Variants in IL3RA observed in about 807,000 individuals in gnomAD.
IL3RA encodes interleukin 3 receptor subunit alpha.
Under a neutral mutation model 52.3 loss-of-function variants are expected in IL3RA, and 73 were observed. The observed-to-expected ratio is 1.40, with a 90% confidence interval of 1.16 to 1.70. The LOEUF (loss-of-function observed/expected upper bound fraction) is 1.70, where lower values mean the gene tolerates loss of function less well. Among genes scored for constraint, IL3RA ranks in the 40% most tolerant of loss-of-function variants. The pLI is 0.00. For synonymous variants in IL3RA, 260 were observed against 194.0 expected (o/e 1.34, Z -2.83); for missense variants, 664 against 504.4 (o/e 1.32, Z -3.03).
intron 8 of IL3RA, among the ~76,000 whole-genome samples, chrX:1,364,582 C>T (rs1451194675): frequency 1.3e-5 from 2 of 151,570 alleles, no homozygotes; most frequent in African/African-American, 4.8e-5. Context: ...GGTATCCCCC[C>T]ACCTCAGCCT....
chrX:1,381,958 G>GT (rs2089197739), intron 11 of IL3RA, among the ~76,000 whole-genome samples: 1 of 149,952 alleles, frequency 6.7e-6, no homozygotes, highest in Admixed American at 6.6e-5. Context: ...GTTTGTTTTT[G>GT]TTTTTGAGAC....
At chrX:1,380,909 A>G in intron 10 of IL3RA, 114 bp from the exon 11 acceptor site, 1 of 865,298 alleles carries the variant, frequency 1.2e-6, no homozygotes, top group Non-Finnish European at 1.9e-6. Context: ...CCTCGAGTAG[A>G]TGACTTGAGT....
chrX:1,356,117 C>T, intron 6 of IL3RA, 104 bp from the exon 7 acceptor site: 3 of 749,204 alleles, frequency 4.0e-6, no homozygotes, highest in Admixed American at 2.3e-5. Flanking sequence ...TCTCCAAATG[C>T]ATAGGAGAAG....
intron 11 of IL3RA, 57 bp from the exon 12 acceptor site, chrX:1,382,334 G>C (rs1172910307): frequency 8.3e-7 from 1 of 1,211,802 alleles, no homozygotes; most frequent in Admixed American, 2.2e-5. Flanking sequence ...AGATCAGGAC[G>C]TGGGCTCTGT....
At chrX:1,356,368 C>G in intron 7 of IL3RA, 32 bp downstream of exon 7, 1 of 1,378,924 alleles carries the variant, frequency 7.3e-7, no homozygotes, top group South Asian at 1.2e-5. Context: ...AGCCCCCCCA[C>G]CCCCGTGGAC....
At chrX:1,364,922 C>T (rs1242042166) in intron 8 of IL3RA, among the ~76,000 whole-genome samples, 1 of 151,984 alleles carries the variant, frequency 6.6e-6, no homozygotes, top group Admixed American at 6.6e-5. Context: ...TATTCTCCTG[C>T]CTCAGCCTCC....
intron 2 of IL3RA, among the ~76,000 whole-genome samples, chrX:1,343,581 C>G (rs1157865474): frequency 6.8e-6 from 1 of 147,646 alleles, no homozygotes; most frequent in Non-Finnish European, 1.5e-5. Flanking sequence ...GCAGGAGAAT[C>G]ACTTGAACCC....
At position 1,341,301 on chromosome X, in the gene IL3RA, GAA is replaced by G. The variant is rs374398083; in HGVS notation, c.-38-415_-38-414del. Among the ~76,000 whole-genome samples the G allele has an allele frequency of 3.6e-3, 512 of 143,534 alleles. 2 individuals carry two copies. Among genetic ancestry groups the G allele is most frequent in the Non-Finnish European group, 5.1e-3 (338 of 65,788 alleles). 94.2% of individuals were successfully genotyped at this position (143,534 alleles called of 152,430 possible). A position where few individuals can be genotyped will look rare whatever the true frequency, so the allele number is the denominator to read the frequency against. On this transcript the variant is annotated intron_variant, in intron 1 of 11. Transcript: ENST00000331035. ...GACGACAAGGGCGAGTCTCCATCAG[GAA>G]AAAAAAAAAAAGAAAACACACAAAC...
At chrX:1,355,913 C>A (rs1262616128) in intron 6 of IL3RA, among the ~76,000 whole-genome samples, 65 of 152,102 alleles carry the variant, frequency 4.3e-4, no homozygotes, top group African/African-American at 1.5e-3. Context: ...AGCTGCCAGT[C>A]CTTGGAAAAG....
At position 1,345,453 on chromosome X, in the gene IL3RA, TG is replaced by T. The variant is rs774602342; in HGVS notation, c.183+20del. The T allele has an allele frequency of 8.5e-5, 119 of 1,405,526 alleles. No homozygotes were observed. Among genetic ancestry groups the T allele is most frequent in the Non-Finnish European group, 1.1e-4 (112 of 1,032,048 alleles). 87.1% of individuals were successfully genotyped at this position (1,405,526 alleles called of 1,614,324 possible). A position where few individuals can be genotyped will look rare whatever the true frequency, so the allele number is the denominator to read the frequency against. ...TATGCCGGTAAATCATACTCTCTAT[TG>T]TTTTTTTATTTTTATTTTATTTATT... On this transcript the variant is annotated intron_variant, in intron 3 of 11. Coordinates refer to ENST00000331035, the MANE Select transcript of IL3RA (RefSeq NM_002183.4).
intron 9 of IL3RA, 137 bp from the exon 10 acceptor site, chrX:1,378,522 T>G: frequency 1.4e-6 from 1 of 711,576 alleles, no homozygotes; most frequent in Non-Finnish European, 2.5e-6. Flanking sequence ...CAGGTGGCAC[T>G]ACTGGGGTGT....
At chrX:1,382,347 T>C in intron 11 of IL3RA, 44 bp from the exon 12 acceptor site, 3 of 1,427,968 alleles carry the variant, frequency 2.1e-6, no homozygotes, top group Admixed American at 2.0e-5. Context: ...GGCTCTGTTA[T>C]CTGGGGGGTG....
At chrX:1,362,216 C>T (rs1192607173) in intron 8 of IL3RA, among the ~76,000 whole-genome samples, 1 of 151,884 alleles carries the variant, frequency 6.6e-6, no homozygotes, top group Non-Finnish European at 1.5e-5. Flanking sequence ...GTCTCTCTCT[C>T]TGTCCATCAC....
rs779934371 is a variant in IL3RA, at chrX:1,344,644, G to A, written c.65-672G>A. On this transcript the variant is annotated intron_variant, in intron 2 of 11. Transcript: ENST00000331035. ...AAAAATTAGCCGGGCGTGGTGGTGG[G>A]CTCCTGTAATCCTAGCTACTCGGGA... 1.0e-2 allele frequency among the ~76,000 whole-genome samples: 1,506 copies of A among 150,696 alleles called. 11 individuals carry two copies. Among genetic ancestry groups the A allele is most frequent in the Middle Eastern group, 0.024 (7 of 286 alleles).
intron 2 of IL3RA, among the ~76,000 whole-genome samples, chrX:1,344,955 G>C (rs1393711678): frequency 2.7e-5 from 4 of 148,660 alleles, no homozygotes; most frequent in African/African-American, 7.4e-5. Context: ...GAGGTCAGGA[G>C]ATCGAGACCA....
intron 2 of IL3RA, among the ~76,000 whole-genome samples, chrX:1,343,872 C>T (rs28824289): frequency 8.7e-5 from 13 of 149,366 alleles, no homozygotes; most frequent in East Asian, 6.3e-4. Flanking sequence ...CTCAGCTCAC[C>T]GCAACCTCCG....
At chrX:1,346,588 C>T (rs1458321727) in intron 3 of IL3RA, among the ~76,000 whole-genome samples, 10 of 151,824 alleles carry the variant, frequency 6.6e-5, no homozygotes, top group Non-Finnish European at 1.3e-4. Context: ...GCCTGGGTGA[C>T]AGAGTGAGAC....
intron 7 of IL3RA, among the ~76,000 whole-genome samples, chrX:1,356,544 T>TG (rs1224440160): frequency 2.0e-5 from 3 of 151,968 alleles, no homozygotes; most frequent in African/African-American, 7.2e-5. Flanking sequence ...CTGAGGCAGG[T>TG]GGATCACAAG....
At chrX:1,381,555 T>TA (rs1223226208) in intron 11 of IL3RA, among the ~76,000 whole-genome samples, 2 of 151,058 alleles carry the variant, frequency 1.3e-5, no homozygotes, top group Admixed American at 6.6e-5. Flanking sequence ...TTTTTTTTTT[T>TA]AGATGGAGTT....
Sources: allele counts gnomAD v4.1 joint callset (sites outside exome capture counted in the v4.1 genomes callset), GRCh38; gene constraint gnomAD v4.1.1; transcripts MANE v1.5; gene names NCBI Gene and HGNC (gene_info 2026-07-23, HGNC 2026-07-21).